PAK5: variants seen among roughly 807,000 people sequenced by gnomAD.
The protein encoded by PAK5 is serine/threonine-protein kinase PAK 5.
A neutral mutation model predicts 65.9 loss-of-function variants in PAK5; 16 were observed. The observed-to-expected ratio is 0.24, with a 90% CI of 0.16 to 0.37. The LOEUF is 0.37. Among genes scored for constraint, PAK5 ranks in the 10% least tolerant of loss-of-function variants. The pLI is 1.00. For synonymous variants in PAK5, 371 were observed against 354.9 expected, an observed-to-expected ratio of 1.05 and a Z score of -0.51; for missense variants, 785 against 903.9, an observed-to-expected ratio of 0.87 and a Z score of 1.69.
intron 1 of PAK5, among the ~76,000 whole-genome samples, chr20:9,808,845 T>C (rs1041872640): frequency 1.3e-5 from 2 of 152,158 alleles, no homozygotes; most frequent in Admixed American, 1.3e-4. Context: ...TATCATTGAA[T>C]TGTATACTTT....
Position 9,580,161 on chromosome 20 carries a change from G to T in PAK5, c.974C>A (p.Thr325Lys), listed in dbSNP as rs539835877. The T allele has an allele frequency of 3.1e-6, 5 of 1,611,664 alleles. No individual in the cohort carries two copies. Among genetic ancestry groups the T allele is most frequent in the Non-Finnish European group, 4.2e-6 (5 of 1,178,398 alleles). Residue 325 changes from threonine to lysine, a missense_variant, in exon 4 of 10, where the codon ACA (threonine) becomes AAA (lysine). By Grantham distance (78) the Thr-to-Lys change is moderately conservative. Around this residue, in one of 4 missense-constraint regions of PAK5, gnomAD observed 422 missense variants for 413.3 expected, o/e 1.02. Coordinates refer to ENST00000353224, the MANE Select transcript of PAK5 (RefSeq NM_177990.4). Reference sequence around the variant, plus strand: ...AAACGTTACCTTTGGAATGCACATTGTGGGCTCGGACAAGCGAGGGTAGGT... The same window carrying T: ...AAACGTTACCTTTGGAATGCACATTTTGGGCTCGGACAAGCGAGGGTAGGT... ...SYTYPRLSEP[T>K]MCIPKVDYDR...
At chr20:9,583,860 G>T (rs769667729) in intron 3 of PAK5, among the ~76,000 whole-genome samples, 10 of 152,180 alleles carry the variant, frequency 6.6e-5, no homozygotes, top group Non-Finnish European at 1.3e-4. Context: ...AATATCATAT[G>T]GATGGAATCA....
intron 3 of PAK5, among the ~76,000 whole-genome samples, chr20:9,624,082 A>G (rs933017066): frequency 2.6e-5 from 4 of 152,248 alleles, no homozygotes; most frequent in Admixed American, 2.0e-4. Flanking sequence ...TTTTAACCCA[A>G]TGCTGAATAT....
intron 2 of PAK5, among the ~76,000 whole-genome samples, chr20:9,672,491 A>G (rs2047513302): frequency 1.3e-5 from 2 of 151,514 alleles, no homozygotes; most frequent in South Asian, 4.2e-4. Flanking sequence ...ATGATAGTGA[A>G]TAAGTCTCAC....
chr20:9,787,619 A>ATG (rs3061911), intron 1 of PAK5, among the ~76,000 whole-genome samples: 7,160 of 146,556 alleles, frequency 0.049, 172 homozygotes, highest in African/African-American at 0.071. Context: ...TATGAAAAGG[A>ATG]TGTGTGTGTG....
intron 1 of PAK5, among the ~76,000 whole-genome samples, chr20:9,765,878 C>T (rs1389916131): frequency 6.6e-6 from 1 of 152,108 alleles, no homozygotes; most frequent in Non-Finnish European, 1.5e-5. Context: ...CACTAGAATG[C>T]TCACTGCAGC....
At chr20:9,647,050 A>G (rs1003995797) in intron 2 of PAK5, among the ~76,000 whole-genome samples, 8 of 152,232 alleles carry the variant, frequency 5.3e-5, no homozygotes, top group Admixed American at 2.0e-4. Context: ...ACATAACAAA[A>G]ACCCTGATTA....
intron 1 of PAK5, among the ~76,000 whole-genome samples, chr20:9,725,410 T>A (rs1016235425): frequency 3.3e-5 from 5 of 152,140 alleles, no homozygotes; most frequent in African/African-American, 1.2e-4. Flanking sequence ...CATCTTTAAA[T>A]TTATTTACGA....
At chr20:9,592,589 A>T (rs570374230) in intron 3 of PAK5, among the ~76,000 whole-genome samples, 1 of 152,344 alleles carries the variant, frequency 6.6e-6, no homozygotes, top group East Asian at 1.9e-4. Flanking sequence ...GTCAAAATAC[A>T]TTGGAATTGC....
rs955369447 is a variant in PAK5, at chr20:9,838,518, G to A, written c.-162+244C>T. ...AACCATCCTTTATTTGGTTGGTAGA[G>A]AGCCCAGGCTGGATAGTAGCGCATG... On this transcript the variant is annotated intron_variant, in intron 1 of 9. Coordinates refer to ENST00000353224, the MANE Select transcript of PAK5 (RefSeq NM_177990.4). The surrounding 1 kb of genome is among the most constrained non-coding windows in gnomAD (Gnocchi z 4.5). Among the ~76,000 whole-genome samples the A allele has an allele frequency of 1.3e-5, 2 of 152,160 alleles. No homozygotes were observed. Among genetic ancestry groups the A allele is most frequent in the African/African-American group, 2.4e-5 (1 of 41,442 alleles).
At chr20:9,767,379 C>T (rs2048780587) in intron 1 of PAK5, among the ~76,000 whole-genome samples, 1 of 152,210 alleles carries the variant, frequency 6.6e-6, no homozygotes. Context: ...CACCTGTCTG[C>T]TTAAATGTCA....
chr20:9,575,418 A>G (rs888995364), intron 4 of PAK5, among the ~76,000 whole-genome samples: 9 of 152,218 alleles, frequency 5.9e-5, no homozygotes, highest in Non-Finnish European at 8.8e-5. Flanking sequence ...TCATACAGCT[A>G]CTAAGCGCTT....
At chr20:9,633,140 T>C (rs901840848) in intron 3 of PAK5, among the ~76,000 whole-genome samples, 4 of 152,106 alleles carry the variant, frequency 2.6e-5, no homozygotes, top group Admixed American at 1.3e-4. Context: ...TGCTTCCAGT[T>C]TCAGAGATGC....
chr20:9,698,874 T>G (rs927803999), intron 2 of PAK5, among the ~76,000 whole-genome samples: 4 of 152,198 alleles, frequency 2.6e-5, no homozygotes, highest in African/African-American at 9.6e-5. Flanking sequence ...AGATATAACT[T>G]GATTTTAAAA....
intron 1 of PAK5, among the ~76,000 whole-genome samples, chr20:9,748,498 C>T (rs962204434): frequency 6.6e-6 from 1 of 152,090 alleles, no homozygotes. Flanking sequence ...AGATATAGAT[C>T]AATGGAACAG....
At chr20:9,824,126 T>C (rs1256713050) in intron 1 of PAK5, among the ~76,000 whole-genome samples, 1 of 152,262 alleles carries the variant, frequency 6.6e-6, no homozygotes, top group East Asian at 1.9e-4. Context: ...CTTTTCTTTC[T>C]ATAACCAAAC....
intron 1 of PAK5, among the ~76,000 whole-genome samples, chr20:9,746,884 A>G (rs2048514555): frequency 6.6e-6 from 1 of 152,190 alleles, no homozygotes. Flanking sequence ...CAAAAAATTG[A>G]TGAATCCAGG....
chr20:9,649,757 C>T (rs760716463), intron 2 of PAK5, among the ~76,000 whole-genome samples: 1 of 151,906 alleles, frequency 6.6e-6, no homozygotes, highest in Non-Finnish European at 1.5e-5. Flanking sequence ...TCATTAGGGA[C>T]CAGAAGATGC....
chr20:9,562,726 A>G (rs887554245), intron 6 of PAK5, among the ~76,000 whole-genome samples, 165 bp downstream of exon 6: 1 of 152,200 alleles, frequency 6.6e-6, no homozygotes, highest in Non-Finnish European at 1.5e-5. Flanking sequence ...TGAACTATAC[A>G]TGCCTGAGAG....
Sources: allele counts gnomAD v4.1 joint callset (sites outside exome capture counted in the v4.1 genomes callset), GRCh38; gene constraint gnomAD v4.1.1; regional missense constraint gnomAD v4.1.1; non-coding constraint Gnocchi (gnomAD v3.1); transcripts MANE v1.5; gene names NCBI Gene and HGNC (gene_info 2026-07-23, HGNC 2026-07-21).